The following PYHIN1 variants were observed in gnomAD, a reference collection of about 807,000 sequenced individuals.
The protein encoded by PYHIN1 is pyrin and HIN domain family member 1.
In PYHIN1, 32 loss-of-function variants were observed where a neutral mutation model predicts 43.7. The ratio of observed to expected loss-of-function variants is 0.73; its 90% CI spans 0.55 to 0.98. The LOEUF is 0.98. Among genes scored for constraint, PYHIN1 ranks in the 50% least tolerant of loss-of-function variants. The probability of loss-of-function intolerance (pLI) is 0.00; values close to 1 mark genes in which losing one functional copy is unlikely to be tolerated. For missense variants in PYHIN1, 588 were observed against 589.5 expected, an observed-to-expected ratio of 1.00 and a Z score of 0.03; for synonymous variants, 205 against 203.1, an observed-to-expected ratio of 1.01 and a Z score of -0.08.
chr1:158,990,495 C>T, the PYHIN1 span, among the ~76,000 whole-genome samples: 1 of 151,890 alleles, frequency 6.6e-6, no homozygotes, highest in Admixed American at 6.6e-5. Context: ...AAATATATTA[C>T]CTCACAGCCA....
At chr1:158,966,596 A>T (rs1446356996) in intron 7 of PYHIN1, among the ~76,000 whole-genome samples, 1 of 152,158 alleles carries the variant, frequency 6.6e-6, no homozygotes, top group African/African-American at 2.4e-5. Flanking sequence ...CATCACATAA[A>T]CAGAACCAAA....
intron 1 of PYHIN1, among the ~76,000 whole-genome samples, chr1:158,935,416 G>A (rs75150453): frequency 0.022 from 3,390 of 152,196 alleles, 81 homozygotes; most frequent in South Asian, 0.11. Flanking sequence ...TAAAAATGTG[G>A]TTTATAGAGA....
At chr1:158,982,652 G>T in the PYHIN1 span, among the ~76,000 whole-genome samples, 1 of 152,048 alleles carries the variant, frequency 6.6e-6, no homozygotes, top group Non-Finnish European at 1.5e-5. Context: ...ATAAATTTTA[G>T]AATAGTTTTT....
At chr1:158,945,153 T>C in intron 7 of PYHIN1, 111 bp downstream of exon 7, 1 of 1,094,796 alleles carries the variant, frequency 9.1e-7, no homozygotes, top group Non-Finnish European at 1.3e-6. Flanking sequence ...AATCTCTAGA[T>C]AAAATTAAAT....
At chr1:158,983,448 T>A in the PYHIN1 span, among the ~76,000 whole-genome samples, 2,406 of 152,296 alleles carry the variant, frequency 0.016, 66 homozygotes, top group African/African-American at 0.055. Flanking sequence ...CATTTACCAA[T>A]TTGCGTATGT....
In PYHIN1 at chr1:158,942,069, A is replaced by T; in HGVS notation, c.672A>T (p.Lys224Asn). The change falls in exon 5 of 9, where the codon AAA (lysine) becomes AAT (asparagine). Residue 224 changes from lysine to asparagine, a missense_variant. Physicochemically the swap from Lys to Asn is moderately conservative, Grantham distance 94. Transcript: ENST00000368140. The stretch of plus-strand genomic sequence containing the variant: ...TCGCGATGGTACTAAATGCAACAAA[A>T]GTATTTAAATATGAATCCTCAGAAA... ...PIIAMVLNAT[K>N]VFKYESSENE... 1.2e-6 allele frequency: 2 copies of T among 1,614,138 alleles called. No homozygotes were observed. The highest frequency in any genetic ancestry group is 1.7e-6 in the Non-Finnish European group (2 of 1,179,980).
At chr1:158,989,049 G>A in the PYHIN1 span, among the ~76,000 whole-genome samples, 14 of 152,148 alleles carry the variant, frequency 9.2e-5, no homozygotes, top group African/African-American at 3.4e-4. Flanking sequence ...ACTTGTTTGG[G>A]ACCTGTATCC....
intron 7 of PYHIN1, among the ~76,000 whole-genome samples, chr1:158,960,761 G>A (rs1368627348): frequency 2.0e-5 from 3 of 152,084 alleles, no homozygotes; most frequent in African/African-American, 7.2e-5. Context: ...GACCAGGGAT[G>A]GTAAGGAAAA....
At chr1:158,932,170 T>C (rs1194943736) in intron 1 of PYHIN1, among the ~76,000 whole-genome samples, 1 of 152,210 alleles carries the variant, frequency 6.6e-6, no homozygotes, top group Non-Finnish European at 1.5e-5. Flanking sequence ...ATAACATGGA[T>C]ACGGCTAGAG....
intron 7 of PYHIN1, among the ~76,000 whole-genome samples, chr1:158,945,793 G>T (rs1227621223): frequency 1.3e-5 from 2 of 152,216 alleles, no homozygotes; most frequent in African/African-American, 4.8e-5. Flanking sequence ...TAACGACAAT[G>T]TTCTGTGTTT....
At chr1:158,976,653 G>T in intron 8 of PYHIN1, 48 bp from the exon 9 acceptor site, 1 of 1,468,652 alleles carries the variant, frequency 6.8e-7, no homozygotes, top group South Asian at 1.3e-5. Context: ...AGAAATGTAT[G>T]ACTCCCTGCA....
intron 6 of PYHIN1, 67 bp from the exon 7 acceptor site, chr1:158,944,808 C>T (rs1649129966): frequency 1.7e-6 from 2 of 1,182,530 alleles, no homozygotes; most frequent in Admixed American, 6.3e-5. Context: ...GATATTCTCA[C>T]ATATTTAAAG....
intron 7 of PYHIN1, among the ~76,000 whole-genome samples, chr1:158,971,065 T>C (rs773149559): frequency 6.6e-6 from 1 of 151,980 alleles, no homozygotes; most frequent in Non-Finnish European, 1.5e-5. Flanking sequence ...TCAATAAGCA[T>C]TTCAAATAGT....
At chr1:158,953,473 A>AC (rs909017933) in intron 7 of PYHIN1, among the ~76,000 whole-genome samples, 2 of 149,604 alleles carry the variant, frequency 1.3e-5, no homozygotes, top group Admixed American at 6.7e-5. Flanking sequence ...ACTGGGAGGC[A>AC]CCCCCCAGCA....
chr1:158,944,482 G>A (rs748510359), intron 6 of PYHIN1, among the ~76,000 whole-genome samples: 4 of 152,172 alleles, frequency 2.6e-5, no homozygotes, highest in Middle Eastern at 3.2e-3. Context: ...AAGACTTCAG[G>A]CAGAGAAAAT....
At chr1:158,982,819 G>A in the PYHIN1 span, among the ~76,000 whole-genome samples, 1 of 151,954 alleles carries the variant, frequency 6.6e-6, no homozygotes, top group Non-Finnish European at 1.5e-5. Flanking sequence ...ATTTCTTTTA[G>A]CAGCATTTTG....
downstream of PYHIN1, among the ~76,000 whole-genome samples, chr1:158,977,540 G>A (rs1328471181): frequency 6.6e-6 from 1 of 152,084 alleles, no homozygotes; most frequent in African/African-American, 2.4e-5. Context: ...GAATCCATCA[G>A]AAAGTTGCCC....
rs1303269566 is a variant in PYHIN1 at position 158,957,753 on chromosome 1, A to T, written c.1359+12711A>T. 2.7e-5 allele frequency among the ~76,000 whole-genome samples: 4 copies of T among 145,972 alleles called. No individual in the cohort carries two copies. In the Admixed American group the frequency reaches 2.7e-4, roughly 10 times the overall value. On this transcript the variant is annotated intron_variant, in intron 7 of 8. Coordinates refer to ENST00000368140, the MANE Select transcript of PYHIN1 (RefSeq NM_152501.5). ...TGGCAACAAAAGACAAAATTGACAA[A>T]TGGGATCTAATTAAACTAAAGAGCT...
Position 158,976,868 on chromosome 1 carries a change from C to CTATATATATATATA in PYHIN1, c.*208_*221dup, listed in dbSNP as rs145640162. On this transcript the variant is annotated 3_prime_UTR_variant, in exon 9 of 9. Coordinates refer to ENST00000368140, the MANE Select transcript of PYHIN1 (RefSeq NM_152501.5). ...TATGTATATATATCTGGTTGAAATA[C>CTATATATATATATA]TATATATATATATATATATATATAT... The CTATATATATATATA allele has an allele frequency of 4.5e-6, 1 of 221,552 alleles. No individual in the cohort carries two copies. Among genetic ancestry groups the CTATATATATATATA allele is most frequent in the African/African-American group, 2.9e-5 (1 of 34,362 alleles). The allele number at this position is 221,552 out of a possible 1,614,324, so 13.7% of individuals were successfully genotyped here.
Sources: gnomAD v4.1 joint callset for allele counts (sites outside exome capture counted in the v4.1 genomes callset) on GRCh38, gnomAD v4.1.1 for gene constraint, MANE v1.5 for transcripts, NCBI Gene and HGNC (gene_info 2026-07-23, HGNC 2026-07-21) for gene names.